Variants in VWA5B1 observed in about 807,000 individuals in gnomAD.
VWA5B1 encodes von Willebrand factor A domain containing 5B1.
Under a neutral mutation model 118.2 loss-of-function variants are expected in VWA5B1, and 115 were observed. The ratio of observed to expected loss-of-function variants is 0.97; its 90% CI spans 0.84 to 1.14. The LOEUF (loss-of-function observed/expected upper bound fraction) is 1.14. Ranked by LOEUF, VWA5B1 falls within the 50% of genes most tolerant of loss-of-function variation. The pLI is 0.00. For missense variants in VWA5B1, 1,596 were observed against 1,603.8 expected (o/e 1.00, Z 0.08); for synonymous variants, 682 against 658.4 (o/e 1.04, Z -0.55).
intron 4 of VWA5B1, 82 bp downstream of exon 4, chr1:20,314,674 T>G: frequency 2.0e-6 from 3 of 1,493,762 alleles, no homozygotes; most frequent in Non-Finnish European, 2.7e-6. Context: ...GGGGACAGGG[T>G]GGGGGGAGAC....
intron 17 of VWA5B1, among the ~76,000 whole-genome samples, chr1:20,346,067 A>G (rs1231978427): frequency 6.6e-6 from 1 of 152,220 alleles, no homozygotes; most frequent in African/African-American, 2.4e-5. Context: ...AATATGTGCT[A>G]TATTTTACAA....
chr1:20,297,965 C>A (rs188891017), intron 1 of VWA5B1, among the ~76,000 whole-genome samples: 40 of 135,654 alleles, frequency 2.9e-4, no homozygotes, highest in African/African-American at 8.2e-4. Flanking sequence ...CATGGAGGCT[C>A]ATTATGATTA....
In VWA5B1 at chr1:20,323,353, C is replaced by T. The variant is rs2089279733; in HGVS notation, c.967-3C>T. On this transcript the variant is annotated splice_region_variant and splice_polypyrimidine_tract_variant and intron_variant, in intron 7 of 21. Coordinates refer to ENST00000289815, the MANE Select transcript of VWA5B1 (RefSeq NM_001039500.3). ...CCAATCAGAGTGTTCTTTCCTCTTC[C>T]AGACAGAAATCATTCGAAAACGCCT... is the stretch of plus-strand genomic sequence containing the variant. 1 of 1,469,768 alleles carries T rather than the reference C, an allele frequency of 6.8e-7. No homozygotes were observed. The highest frequency in any genetic ancestry group is 1.4e-5 in the African/African-American group (1 of 69,952). The allele number at this position is 1,469,768 out of a possible 1,614,324, so 91.0% of individuals were successfully genotyped here. A position where few individuals can be genotyped will look rare whatever the true frequency, so the allele number is the denominator to read the frequency against.
At chr1:20,350,788 C>G (rs879155110) in intron 19 of VWA5B1, 69 bp from the exon 20 acceptor site, 1 of 1,444,882 alleles carries the variant, frequency 6.9e-7, no homozygotes, top group Admixed American at 2.0e-5. Flanking sequence ...TCTGTTCCCC[C>G]AGTTGGTCAG....
chr1:20,314,526 T>A lies in VWA5B1; in HGVS notation c.497T>A (p.Val166Asp). Reference protein sequence around the residue: ...SGAVRVLLPAVCAPTVPQFCT... With the variant: ...SGAVRVLLPADCAPTVPQFCT... Reference sequence around the variant, plus strand: ...GCTGTGAGGGTCCTTCTGCCTGCTGTCTGTGCCCCAACCGTGCCCCAGTTC... The same window carrying A: ...GCTGTGAGGGTCCTTCTGCCTGCTGACTGTGCCCCAACCGTGCCCCAGTTC... Residue 166 changes from valine to aspartate, a missense_variant, in exon 4 of 22, where the codon GTC becomes GAC. Physicochemically the swap from Val to Asp is radical, Grantham distance 152. Transcript: ENST00000289815. The A allele has an allele frequency of 6.4e-7, 1 of 1,551,698 alleles. No homozygotes were observed. The highest frequency in any genetic ancestry group is 8.7e-7 in the Non-Finnish European group (1 of 1,147,002).
At chr1:20,291,361 C>CTTTCTTTCTTTCTT (rs1444209981) in intron 1 of VWA5B1, among the ~76,000 whole-genome samples, 16 of 135,600 alleles carry the variant, frequency 1.2e-4, no homozygotes, top group African/African-American at 4.4e-4. Flanking sequence ...TTCTTTCTTT[C>CTTTCTTTCTTTCTT]TCTCTCTCTC....
intron 11 of VWA5B1, among the ~76,000 whole-genome samples, chr1:20,332,095 A>G (rs1449398740): frequency 6.6e-6 from 1 of 152,164 alleles, no homozygotes; most frequent in Non-Finnish European, 1.5e-5. Flanking sequence ...TTTGCTCAAG[A>G]TCATCATCCA....
At chr1:20,298,130 C>T (rs1382874770) in intron 1 of VWA5B1, among the ~76,000 whole-genome samples, 1 of 151,678 alleles carries the variant, frequency 6.6e-6, no homozygotes, top group Non-Finnish European at 1.5e-5. Context: ...CCTACCTCAG[C>T]CTCCCAAGAA....
chr1:20,292,667 A>T (rs1188680537), intron 1 of VWA5B1, among the ~76,000 whole-genome samples: 1 of 152,206 alleles, frequency 6.6e-6, no homozygotes, highest in Non-Finnish European at 1.5e-5. Flanking sequence ...ACGTGTGCAC[A>T]TGCAGAGAAT....
In VWA5B1 at chr1:20,332,961, C is replaced by A; in HGVS notation, c.1758+10C>A. ...CTCCAATCCCAGATCTGTAAGTATCCTAGAAATTCCACGGGTCCGTGTGGG... is the reference window on the plus strand; with the variant it reads ...CTCCAATCCCAGATCTGTAAGTATCATAGAAATTCCACGGGTCCGTGTGGG... On this transcript the variant is annotated intron_variant, in intron 12 of 21. Coordinates refer to ENST00000289815, the MANE Select transcript of VWA5B1 (RefSeq NM_001039500.3). The A allele has an allele frequency of 6.4e-7, 1 of 1,551,330 alleles. No homozygotes were observed. Among genetic ancestry groups the A allele is most frequent in the East Asian group, 2.4e-5 (1 of 40,918 alleles).
chr1:20,310,442 A>G, intron 1 of VWA5B1, 134 bp from the exon 2 acceptor site: 2 of 884,672 alleles, frequency 2.3e-6, no homozygotes, highest in Non-Finnish European at 3.2e-6. Flanking sequence ...CTTCCTTCCC[A>G]GGAACTGGGA....
At chr1:20,319,647 G>C (rs769049169) in intron 7 of VWA5B1, 141 bp downstream of exon 7, 16 of 1,294,396 alleles carry the variant, frequency 1.2e-5, no homozygotes, top group East Asian at 5.1e-5. Flanking sequence ...GGCAAGAAGT[G>C]TTTCCTTCTG....
intron 1 of VWA5B1, among the ~76,000 whole-genome samples, chr1:20,298,768 T>C (rs1019029332): frequency 2.6e-5 from 4 of 152,142 alleles, no homozygotes; most frequent in African/African-American, 9.7e-5. Context: ...ACTCTGCAGC[T>C]GGCCTCCTCT....
In VWA5B1 at chr1:20,310,703, C is replaced by T. The variant is rs1327676475; in HGVS notation, c.102C>T (p.Ser34=). The change falls in exon 2 of 22, where the codon TCC becomes TCT. Residue 34 remains serine, a synonymous_variant. Transcript: ENST00000289815. ...GTTATGCCCTGGGCCTAACTGCCTC[C>T]CTCACCTATGGCAACCTGGAAGCCC... ...VSGYALGLTA[S]LTYGNLEAQP... 9 of 1,550,618 alleles carry T rather than the reference C, an allele frequency of 5.8e-6. No individual in the cohort carries two copies. The South Asian group carries it at 8.3e-5, about 14-fold the overall frequency.
Position 20,330,149 on chromosome 1 carries a change from G to C in VWA5B1, c.1255-31G>C. The stretch of plus-strand genomic sequence containing the variant: ...TGGTCTAGAGTCTCTGTACCATACG[G>C]TGACACTGGGGACTGTCTGCTTCTC... On this transcript the variant is annotated intron_variant, in intron 9 of 21. Coordinates refer to ENST00000289815, the MANE Select transcript of VWA5B1 (RefSeq NM_001039500.3). 11 of 1,551,320 alleles carry C rather than the reference G, an allele frequency of 7.1e-6. 1 individual carries two copies. The highest frequency in any genetic ancestry group is 9.6e-6 in the Non-Finnish European group (11 of 1,146,644).
intron 19 of VWA5B1, 133 bp downstream of exon 19, chr1:20,350,363 A>ATAATCCTATTCCCC: frequency 1.0e-5 from 10 of 999,450 alleles, no homozygotes; most frequent in South Asian, 1.5e-5. Context: ...CTGCATGGGG[A>ATAATCCTATTCCCC]ATAGGATTAT....
In VWA5B1 at chr1:20,348,328, A is replaced by G. The variant is rs2090051882; in HGVS notation, c.2848A>G (p.Met950Val). 6.4e-7 allele frequency: 1 copy of G among 1,551,614 alleles called. No individual in the cohort carries two copies. The highest frequency in any genetic ancestry group is 8.7e-7 in the Non-Finnish European group (1 of 1,147,000). Residue 950 changes from methionine (M) to valine (V), a missense_variant, in exon 18 of 22, where the codon ATG becomes GTG. Coordinates refer to ENST00000289815, the MANE Select transcript of VWA5B1 (RefSeq NM_001039500.3). ...TSSGFGRPQTMLGEDSAPGND... is the reference protein window; with the variant it reads ...TSSGFGRPQTVLGEDSAPGND... ...TTCTGGCTTTGGAAGGCCGCAGACG[A>G]TGCTTGGAGAAGATTCGGCACCAGG...
At chr1:20,309,193 A>G (rs1311174272) in intron 1 of VWA5B1, among the ~76,000 whole-genome samples, 1 of 152,194 alleles carries the variant, frequency 6.6e-6, no homozygotes, top group East Asian at 1.9e-4. Flanking sequence ...GTGAAGCCAA[A>G]GTCGAATCAA....
rs56285110 is a variant in VWA5B1 at position 20,358,100 on chromosome 1, C to T, written c.*3837C>T. On this transcript the variant is annotated 3_prime_UTR_variant, in exon 22 of 22. Coordinates refer to ENST00000289815, the MANE Select transcript of VWA5B1 (RefSeq NM_001039500.3). Reference sequence around the variant, plus strand: ...TCCATAAGCGGCCTCGGTTTCCAGCCGGCACCCATGTTTCCCCAGCCAGTC... The same window carrying T: ...TCCATAAGCGGCCTCGGTTTCCAGCTGGCACCCATGTTTCCCCAGCCAGTC... 0.012 allele frequency among the ~76,000 whole-genome samples: 1,787 copies of T among 152,254 alleles called. 37 individuals carry two copies. The highest frequency in any genetic ancestry group is 0.041 in the African/African-American group (1,710 of 41,538).
Sources: gnomAD v4.1 joint callset for allele counts (sites outside exome capture counted in the v4.1 genomes callset) on GRCh38, gnomAD v4.1.1 for gene constraint, MANE v1.5 for transcripts, NCBI Gene and HGNC (gene_info 2026-07-23, HGNC 2026-07-21) for gene names.